ADCY2: variants seen among roughly 807,000 people sequenced by gnomAD.
The protein encoded by ADCY2 is adenylate cyclase type 2.
In ADCY2, 31 loss-of-function variants were observed where a neutral mutation model predicts 125.2. That is an observed-to-expected ratio of 0.25 (90% CI 0.19 to 0.33). The LOEUF (loss-of-function observed/expected upper bound fraction) is 0.33. Ranked by LOEUF, ADCY2 falls within the 10% of genes least tolerant of loss-of-function variation. The probability of loss-of-function intolerance (pLI) is 1.00; values close to 1 mark genes in which losing one functional copy is unlikely to be tolerated. For missense variants in ADCY2, 904 were observed against 1,418.2 expected (o/e 0.64, Z 5.82); for synonymous variants, 512 against 548.4 (o/e 0.93, Z 0.93).
At chr5:7,775,622 C>G (rs1443667869) in intron 18 of ADCY2, among the ~76,000 whole-genome samples, 1 of 152,166 alleles carries the variant, frequency 6.6e-6, no homozygotes, top group African/African-American at 2.4e-5. Context: ...ATCTCCTGAC[C>G]TCAGGTGATC....
intron 3 of ADCY2, among the ~76,000 whole-genome samples, chr5:7,567,066 G>A (rs1211294993): frequency 6.6e-6 from 1 of 152,156 alleles, no homozygotes; most frequent in Non-Finnish European, 1.5e-5. Context: ...CATTGGCATA[G>A]TGTTTTCTTA....
chr5:7,611,239 A>G (rs376178366), intron 3 of ADCY2: 6 of 152,364 alleles, frequency 3.9e-5, no homozygotes, highest in African/African-American at 1.4e-4. Flanking sequence ...TTAAATCATA[A>G]GAAATATATT....
intron 17 of ADCY2, among the ~76,000 whole-genome samples, chr5:7,772,179 G>A (rs1360708413): frequency 2.0e-5 from 3 of 152,192 alleles, no homozygotes; most frequent in African/African-American, 7.2e-5. Flanking sequence ...GTGAGCTAAT[G>A]AGTTAGTGAA....
At chr5:7,776,193 TAAAAAAAAAAAA>T (rs11332766) in intron 18 of ADCY2, among the ~76,000 whole-genome samples, 1 of 91,530 alleles carries the variant, frequency 1.1e-5, no homozygotes, top group African/African-American at 4.3e-5. Flanking sequence ...GTGAGATCCT[TAAAAAAAAAAAA>T]AAAAAAAAAA....
chr5:7,703,592 T>G (rs948552818), intron 7 of ADCY2, among the ~76,000 whole-genome samples: 1 of 152,162 alleles, frequency 6.6e-6, no homozygotes, highest in Non-Finnish European at 1.5e-5. Context: ...ATATCTCTGT[T>G]TTCGTACCAG....
intron 2 of ADCY2, among the ~76,000 whole-genome samples, chr5:7,490,224 G>A (rs144136608): frequency 6.6e-6 from 1 of 152,050 alleles, no homozygotes; most frequent in Admixed American, 6.5e-5. Context: ...AATAAGAATA[G>A]CTTCTATAAG....
intron 14 of ADCY2, among the ~76,000 whole-genome samples, chr5:7,737,178 G>T (rs561761872): frequency 6.6e-6 from 1 of 152,062 alleles, no homozygotes; most frequent in African/African-American, 2.4e-5. Context: ...AGGTATTTCC[G>T]AAAGGGAATT....
At chr5:7,401,928 T>C (rs936474060) in intron 1 of ADCY2, among the ~76,000 whole-genome samples, 9 of 152,244 alleles carry the variant, frequency 5.9e-5, no homozygotes, top group African/African-American at 2.2e-4. Context: ...TGCCACTTGA[T>C]ATTGACATCG....
chr5:7,786,632 T>TTTA (rs1744091973), intron 19 of ADCY2, among the ~76,000 whole-genome samples: 1 of 152,186 alleles, frequency 6.6e-6, no homozygotes, highest in South Asian at 2.1e-4. Context: ...TAAAGTCTAG[T>TTTA]TTATGACAGA....
At chr5:7,706,401 G>C (rs1419338196) in intron 7 of ADCY2, among the ~76,000 whole-genome samples, 1 of 152,184 alleles carries the variant, frequency 6.6e-6, no homozygotes, top group Non-Finnish European at 1.5e-5. Context: ...ACATTACAAG[G>C]CAATGTCACG....
chr5:7,784,613 C>T (rs1744027288), intron 19 of ADCY2, among the ~76,000 whole-genome samples, 164 bp downstream of exon 19: 1 of 151,990 alleles, frequency 6.6e-6, no homozygotes, highest in Non-Finnish European at 1.5e-5. Flanking sequence ...GTGGATGCTT[C>T]GATATAGACA....
chr5:7,786,525 C>A (rs559115509), intron 19 of ADCY2, among the ~76,000 whole-genome samples: 51 of 152,298 alleles, frequency 3.3e-4, no homozygotes, highest in Non-Finnish European at 5.4e-4. Flanking sequence ...GCTTTCTGAG[C>A]AAATCAGTAT....
chr5:7,724,521 T>C (rs1333686019), intron 12 of ADCY2, 24 bp from the exon 13 acceptor site: 13 of 1,579,882 alleles, frequency 8.2e-6, no homozygotes, highest in Non-Finnish European at 1.1e-5. Context: ...AGTTTTATGA[T>C]GTGTTGGCCC....
At chr5:7,600,809 T>C (rs1213273283) in intron 3 of ADCY2, among the ~76,000 whole-genome samples, 1 of 151,846 alleles carries the variant, frequency 6.6e-6, no homozygotes, top group Non-Finnish European at 1.5e-5. Flanking sequence ...TAGCAGAAAA[T>C]GGCAGGGTCT....
chr5:7,515,715 A>G (rs1744230864), intron 2 of ADCY2, among the ~76,000 whole-genome samples: 1 of 152,144 alleles, frequency 6.6e-6, no homozygotes, highest in Admixed American at 6.5e-5. Context: ...AGGATGTATA[A>G]TAGTCTTTCC....
At chr5:7,520,659 C>T in intron 2 of ADCY2, 79 bp from the exon 3 acceptor site, 5 of 1,516,316 alleles carry the variant, frequency 3.3e-6, no homozygotes, top group African/African-American at 1.4e-5. Context: ...TCTATGCAGC[C>T]TTTAGTGGCA....
rs62342504 is a variant in ADCY2 at position 7,824,584 on chromosome 5, G to A, written c.3124-2135G>A. On this transcript the variant is annotated intron_variant, in intron 24 of 24. Coordinates refer to ENST00000338316, the MANE Select transcript of ADCY2 (RefSeq NM_020546.3). ...TTATCCAGTACACAAAGCACTCCCGGGGCTCCTGCCCTCCTCCCAGGACTT... is the reference window on the plus strand; with the variant it reads ...TTATCCAGTACACAAAGCACTCCCGAGGCTCCTGCCCTCCTCCCAGGACTT... Among the ~76,000 whole-genome samples the A allele has an allele frequency of 2.4e-4, 36 of 152,196 alleles. 1 individual carries two copies. The highest frequency in any genetic ancestry group is 9.2e-4 in the Admixed American group (14 of 15,284).
chr5:7,820,317 A>G (rs572113402), intron 23 of ADCY2, among the ~76,000 whole-genome samples: 150 of 151,788 alleles, frequency 9.9e-4, no homozygotes, highest in African/African-American at 3.4e-3. Context: ...ACATGGCAAA[A>G]CTCTGTCTCT....
chr5:7,766,957 C>A, intron 17 of ADCY2, 151 bp downstream of exon 17: 1 of 1,065,410 alleles, frequency 9.4e-7, no homozygotes, highest in Non-Finnish European at 1.3e-6. Flanking sequence ...CAAATGTCAG[C>A]CTCTGCTAGA....
Sources: allele counts gnomAD v4.1 joint callset (sites outside exome capture counted in the v4.1 genomes callset), GRCh38; gene constraint gnomAD v4.1.1; transcripts MANE v1.5; gene names NCBI Gene and HGNC (gene_info 2026-07-23, HGNC 2026-07-21).